Variants in SULF1 observed in about 807,000 individuals in gnomAD.
The protein encoded by SULF1 is sulfatase 1.
A neutral mutation model predicts 110.5 loss-of-function variants in SULF1; 46 were observed. The ratio of observed to expected loss-of-function variants is 0.42; its 90% CI spans 0.33 to 0.53. The LOEUF (loss-of-function observed/expected upper bound fraction) is 0.53. Among genes scored for constraint, SULF1 ranks in the 20% least tolerant of loss-of-function variants. SULF1 has a pLI of 0.12. For missense variants in SULF1, 941 were observed against 1,094.2 expected, an observed-to-expected ratio of 0.86 and a Z score of 1.98; for synonymous variants, 371 against 387.1, an observed-to-expected ratio of 0.96 and a Z score of 0.49.
intron 8 of SULF1, among the ~76,000 whole-genome samples, chr8:69,598,143 A>T (rs1466897590): frequency 6.6e-6 from 1 of 151,808 alleles, no homozygotes; most frequent in Non-Finnish European, 1.5e-5. Context: ...CATTTGGTTA[A>T]CGAACCATTT....
chr8:69,640,375 G>A (rs907117504), intron 21 of SULF1, among the ~76,000 whole-genome samples: 6 of 152,164 alleles, frequency 3.9e-5, no homozygotes, highest in Non-Finnish European at 7.3e-5. Context: ...CACACTGGGT[G>A]GAGCCAGTTA....
chr8:69,631,034 G>A (rs1263765890), intron 19 of SULF1, among the ~76,000 whole-genome samples: 1 of 151,798 alleles, frequency 6.6e-6, no homozygotes, highest in African/African-American at 2.4e-5. Context: ...TTTTTAAATG[G>A]GACTCTTTCG....
At chr8:69,497,585 C>G (rs1810456804) in intron 2 of SULF1, among the ~76,000 whole-genome samples, 1 of 152,192 alleles carries the variant, frequency 6.6e-6, no homozygotes, top group African/African-American at 2.4e-5. Context: ...TATAAAAATG[C>G]CTCCAATTCA....
At chr8:69,486,736 T>C (rs1398239159) in intron 1 of SULF1, among the ~76,000 whole-genome samples, 1 of 152,150 alleles carries the variant, frequency 6.6e-6, no homozygotes, top group Non-Finnish European at 1.5e-5. Context: ...AGTGCTCATG[T>C]CTCAGACTTG....
intron 3 of SULF1, among the ~76,000 whole-genome samples, chr8:69,506,059 G>A (rs1264864111): frequency 6.6e-6 from 1 of 152,084 alleles, no homozygotes; most frequent in African/African-American, 2.4e-5. Context: ...TTGGAAACAT[G>A]GAGAATGTAC....
chr8:69,545,047 AC>A (rs1480122482), intron 3 of SULF1, among the ~76,000 whole-genome samples: 2 of 150,168 alleles, frequency 1.3e-5, no homozygotes, highest in Admixed American at 6.6e-5. Context: ...AATAAAATAT[AC>A]TTGAATCCTA....
intron 5 of SULF1, among the ~76,000 whole-genome samples, chr8:69,575,201 T>G (rs1805515737): frequency 7.2e-6 from 1 of 139,554 alleles, no homozygotes; most frequent in South Asian, 2.1e-4. Context: ...TCGAAATAGT[T>G]TTTTTTTTTT....
rs543242386 is a variant in SULF1, at chr8:69,581,797, G to T, written c.413-4560G>T. The stretch of plus-strand genomic sequence containing the variant: ...AAACATCGTGTTGAAAGAGGCCGGG[G>T]TGATTACAAACGAGTCTCAATGTCA... On this transcript the variant is annotated intron_variant, in intron 6 of 22. Coordinates refer to ENST00000402687, the MANE Select transcript of SULF1 (RefSeq NM_001128205.2). 3.3e-5 allele frequency among the ~76,000 whole-genome samples: 5 copies of T among 152,268 alleles called. No individual in the cohort carries two copies. In the South Asian group the frequency reaches 1.0e-3, roughly 32 times the overall value.
At chr8:69,498,023 G>A (rs1289221471) in intron 2 of SULF1, among the ~76,000 whole-genome samples, 3 of 151,946 alleles carry the variant, frequency 2.0e-5, no homozygotes, top group African/African-American at 7.3e-5. Context: ...AAGAGATATT[G>A]GAGGTCTTCC....
chr8:69,606,222 A>G (rs1425673314), intron 13 of SULF1, among the ~76,000 whole-genome samples: 1 of 152,240 alleles, frequency 6.6e-6, no homozygotes, highest in African/African-American at 2.4e-5. Context: ...CCTTTGAAAT[A>G]GAAGAGGATA....
At chr8:69,565,350 T>A (rs1427462673) in intron 5 of SULF1, among the ~76,000 whole-genome samples, 2 of 152,150 alleles carry the variant, frequency 1.3e-5, no homozygotes, top group African/African-American at 4.8e-5. Context: ...GGTTTAAATG[T>A]TTTCATTCAC....
chr8:69,630,968 C>A (rs533474237), intron 19 of SULF1, among the ~76,000 whole-genome samples: 26 of 151,456 alleles, frequency 1.7e-4, no homozygotes, highest in African/African-American at 5.3e-4. Context: ...TCCCTCCCCC[C>A]TGCCCCCACC....
intron 13 of SULF1, among the ~76,000 whole-genome samples, chr8:69,612,652 T>A (rs976964454): frequency 7.9e-5 from 12 of 152,204 alleles, no homozygotes; most frequent in African/African-American, 2.2e-4. Context: ...TGTATCTTCT[T>A]TTGAGAATTG....
intron 14 of SULF1, among the ~76,000 whole-genome samples, chr8:69,623,344 T>C (rs1404952250): frequency 6.6e-6 from 1 of 152,190 alleles, no homozygotes; most frequent in East Asian, 1.9e-4. Context: ...CCTAGCTCCA[T>C]AACCTTGCAA....
chr8:69,500,179 G>A (rs1341411222), intron 2 of SULF1, among the ~76,000 whole-genome samples: 1 of 151,932 alleles, frequency 6.6e-6, no homozygotes, highest in African/African-American at 2.4e-5. Context: ...CTTTATTACT[G>A]GTCTAAAAAA....
chr8:69,549,856 C>T (rs939275623), intron 3 of SULF1, among the ~76,000 whole-genome samples: 2 of 152,038 alleles, frequency 1.3e-5, no homozygotes, highest in Admixed American at 6.6e-5. Flanking sequence ...AGCTGTGACT[C>T]GTGGTCTTGA....
At chr8:69,551,800 G>T (rs952729413) in intron 3 of SULF1, among the ~76,000 whole-genome samples, 1 of 152,082 alleles carries the variant, frequency 6.6e-6, no homozygotes, top group African/African-American at 2.4e-5. Flanking sequence ...TGCTAGAAAT[G>T]CAATTTTAAG....
chr8:69,526,696 T>A (rs1211110729), intron 3 of SULF1, among the ~76,000 whole-genome samples: 1 of 151,094 alleles, frequency 6.6e-6, no homozygotes, highest in Non-Finnish European at 1.5e-5. Context: ...GAGGCTGAGA[T>A]GGGAGGATCG....
At chr8:69,500,677 C>G (rs917575759) in intron 2 of SULF1, among the ~76,000 whole-genome samples, 1 of 152,140 alleles carries the variant, frequency 6.6e-6, no homozygotes, top group African/African-American at 2.4e-5. Context: ...ACCATGGAGA[C>G]AGGATGGAAA....
Sources: allele counts gnomAD v4.1 joint callset (sites outside exome capture counted in the v4.1 genomes callset), GRCh38; gene constraint gnomAD v4.1.1; transcripts MANE v1.5; gene names NCBI Gene and HGNC (gene_info 2026-07-23, HGNC 2026-07-21).